Variants in SHANK2 observed in about 807,000 individuals in gnomAD.
The protein encoded by SHANK2 is SH3 and multiple ankyrin repeat domains protein 2.
In SHANK2, 43 loss-of-function variants were observed where a neutral mutation model predicts 133.7. The observed-to-expected ratio is 0.32, with a 90% confidence interval of 0.25 to 0.41. The LOEUF (loss-of-function observed/expected upper bound fraction) is 0.41, where lower values mean the gene tolerates loss of function less well. Ranked by LOEUF, SHANK2 falls within the 10% of genes least tolerant of loss-of-function variation. The pLI is 1.00. For synonymous variants in SHANK2, 1,017 were observed against 952.8 expected, an observed-to-expected ratio of 1.07 and a Z score of -1.24; for missense variants, 1,994 against 2,235.8, an observed-to-expected ratio of 0.89 and a Z score of 2.18.
At chr11:70,846,204 T>C (rs1555063283) in intron 11 of SHANK2, among the ~76,000 whole-genome samples, 2 of 152,010 alleles carry the variant, frequency 1.3e-5, no homozygotes, top group African/African-American at 4.8e-5. Flanking sequence ...CCCCTCTTCT[T>C]AGGGGTTCCT....
intron 10 of SHANK2, among the ~76,000 whole-genome samples, chr11:70,922,895 CT>C (rs1323375235): frequency 6.6e-6 from 1 of 151,888 alleles, no homozygotes; most frequent in Non-Finnish European, 1.5e-5. Flanking sequence ...ATCCCCTATA[CT>C]TTAAACAAAC....
At position 70,615,018 on chromosome 11, in the gene SHANK2, C is replaced by T. The variant is rs1429554263; in HGVS notation, c.2061+44810G>A. On this transcript the variant is annotated intron_variant, in intron 17 of 25. Coordinates refer to ENST00000601538, the MANE Select transcript of SHANK2 (RefSeq NM_012309.5). ...AAAGGAAGGAAAGAAGAGAAGCCTG[C>T]TTAGATTGGATTCCCCCCATGCACA... Among the ~76,000 whole-genome samples, 5 of 152,334 alleles carry T rather than the reference C, an allele frequency of 3.3e-5. 1 individual carries two copies. The highest frequency in any genetic ancestry group is 7.2e-5 in the African/African-American group (3 of 41,572).
At chr11:70,633,203 TTATA>T (rs565300932) in intron 17 of SHANK2, among the ~76,000 whole-genome samples, 1 of 148,422 alleles carries the variant, frequency 6.7e-6, no homozygotes, top group South Asian at 2.1e-4. Context: ...TGTTATATTT[TTATA>T]TATGTATTAC....
intron 15 of SHANK2, among the ~76,000 whole-genome samples, chr11:70,670,724 A>G: frequency 6.6e-6 from 1 of 152,204 alleles, no homozygotes; most frequent in East Asian, 1.9e-4. Flanking sequence ...CCCAACGCCC[A>G]GTGCCATCCT....
At chr11:70,615,288 G>A (rs542238299) in intron 17 of SHANK2, among the ~76,000 whole-genome samples, 39 of 152,152 alleles carry the variant, frequency 2.6e-4, no homozygotes, top group Non-Finnish European at 4.9e-4. Flanking sequence ...GATACCTGGT[G>A]TGGGACTGTC....
intron 10 of SHANK2, chr11:70,948,488 C>A (rs969016358): frequency 2.4e-6 from 1 of 420,274 alleles, no homozygotes; most frequent in African/African-American, 2.0e-5. Context: ...CAGGTTTCTA[C>A]GCCCTAATCT....
chr11:70,721,184 G>C (rs375417727), intron 14 of SHANK2, among the ~76,000 whole-genome samples: 1 of 152,190 alleles, frequency 6.6e-6, no homozygotes, highest in Non-Finnish European at 1.5e-5. Flanking sequence ...ACGCTCTGCT[G>C]CTCCTTCCCG....
At chr11:71,166,311 A>G (rs1287032662) in intron 2 of SHANK2, among the ~76,000 whole-genome samples, 1 of 152,216 alleles carries the variant, frequency 6.6e-6, no homozygotes, top group Admixed American at 6.5e-5. Flanking sequence ...TGGGAAGAGA[A>G]TTTGAGCACT....
At chr11:71,182,881 AC>A (rs1396515949) in intron 2 of SHANK2, among the ~76,000 whole-genome samples, 3 of 152,090 alleles carry the variant, frequency 2.0e-5, no homozygotes, top group African/African-American at 7.2e-5. Flanking sequence ...AGCGTGCCCC[AC>A]CATGCATGCT....
chr11:70,915,877 AT>A (rs1218292916), intron 10 of SHANK2, among the ~76,000 whole-genome samples: 1 of 152,048 alleles, frequency 6.6e-6, no homozygotes, highest in Non-Finnish European at 1.5e-5. Flanking sequence ...GCACAACATC[AT>A]TTTTTTCTCA....
At chr11:71,085,805 ATATATTATGTTATAT>A (rs1951390326) in intron 8 of SHANK2, among the ~76,000 whole-genome samples, 6 of 61,132 alleles carry the variant, frequency 9.8e-5, no homozygotes, top group African/African-American at 2.8e-4. Flanking sequence ...ATACAACATA[ATATATTATGTTATAT>A]TATATAATAA....
intron 12 of SHANK2, among the ~76,000 whole-genome samples, chr11:70,817,568 T>C (rs916316071): frequency 4.6e-5 from 7 of 152,110 alleles, no homozygotes; most frequent in Non-Finnish European, 1.0e-4. Context: ...CTACCAACGG[T>C]TCTAGGTGAC....
In SHANK2 at chr11:71,113,292, C is replaced by G; in HGVS notation, c.483+1G>C. On this transcript the variant is annotated splice_donor_variant, in intron 5 of 25. Coordinates refer to ENST00000601538, the MANE Select transcript of SHANK2 (RefSeq NM_012309.5). LOFTEE classifies it high-confidence loss of function. ...TAAATAACAGCCCGTTCCCTGCATACCTTCGTGTGGAGCTTGGCCAACTGT... is the reference window on the plus strand; with the variant it reads ...TAAATAACAGCCCGTTCCCTGCATAGCTTCGTGTGGAGCTTGGCCAACTGT... The G allele has an allele frequency of 6.4e-7, 1 of 1,551,706 alleles. No homozygotes were observed. Among genetic ancestry groups the G allele is most frequent in the South Asian group, 1.2e-5 (1 of 84,060 alleles).
intron 17 of SHANK2, among the ~76,000 whole-genome samples, chr11:70,573,092 C>T (rs1464093765): frequency 2.6e-5 from 4 of 152,228 alleles, no homozygotes; most frequent in South Asian, 2.1e-4. Flanking sequence ...GGAACACACA[C>T]GCCTCAGAAT....
rs114402858 is a variant in SHANK2 at position 70,482,500 on chromosome 11, C to T, written c.4979+2814G>A. ...GAGGAGTCAAACCCTGAGCCAGCTC[C>T]ATGGGTTGGAGGTCTAGTTCCGCGT... On this transcript the variant is annotated intron_variant, in intron 25 of 25. Transcript: ENST00000601538. Among the ~76,000 whole-genome samples the T allele has an allele frequency of 3.3e-3, 506 of 152,350 alleles. 2 individuals carry two copies. Among genetic ancestry groups the T allele is most frequent in the African/African-American group, 0.011 (478 of 41,594 alleles).
intron 8 of SHANK2, among the ~76,000 whole-genome samples, chr11:71,080,877 A>T (rs1257209097): frequency 6.6e-6 from 1 of 152,214 alleles, no homozygotes; most frequent in Admixed American, 6.5e-5. Context: ...AGGCCAATGC[A>T]CCTGAATGAA....
At chr11:71,250,311 G>A (rs1555125639) in intron 1 of SHANK2, among the ~76,000 whole-genome samples, 1 of 152,160 alleles carries the variant, frequency 6.6e-6, no homozygotes, top group South Asian at 2.1e-4. Context: ...AGGAAAACAA[G>A]GAATTCCTGG....
intron 17 of SHANK2, among the ~76,000 whole-genome samples, chr11:70,599,927 GAA>G (rs1188976351): frequency 2.6e-5 from 3 of 117,080 alleles, no homozygotes; most frequent in South Asian, 2.6e-4. Flanking sequence ...AAGAAAGAAA[GAA>G]AGAAAGAAAG....
intron 5 of SHANK2, among the ~76,000 whole-genome samples, chr11:71,110,816 G>A (rs1173670240): frequency 6.6e-6 from 1 of 152,218 alleles, no homozygotes; most frequent in Non-Finnish European, 1.5e-5. Flanking sequence ...TAGTGCTACG[G>A]ACTTAACGTG....
Sources: gnomAD v4.1 joint callset for allele counts (sites outside exome capture counted in the v4.1 genomes callset) on GRCh38, gnomAD v4.1.1 for gene constraint, MANE v1.5 for transcripts, NCBI Gene and HGNC (gene_info 2026-07-23, HGNC 2026-07-21) for gene names.